The following MIPEP variants were observed in gnomAD, a reference collection of about 807,000 sequenced individuals.
MIPEP encodes the protein mitochondrial intermediate peptidase.
In MIPEP, 79 loss-of-function variants were observed where a neutral mutation model predicts 90.3. The ratio of observed to expected loss-of-function variants is 0.87; its 90% confidence interval spans 0.73 to 1.05. The LOEUF is 1.05. Among genes scored for constraint, MIPEP ranks in the 50% least tolerant of loss-of-function variants. MIPEP has a pLI of 0.00. For synonymous variants in MIPEP, 334 were observed against 315.8 expected (o/e 1.06, Z -0.61); for missense variants, 940 against 905.6 (o/e 1.04, Z -0.49).
intron 7 of MIPEP, among the ~76,000 whole-genome samples, chr13:23,865,498 T>C (rs1399636056): frequency 6.6e-6 from 1 of 152,204 alleles, no homozygotes; most frequent in Non-Finnish European, 1.5e-5. Flanking sequence ...AAAGACATTA[T>C]TTAGTCAACA....
intron 16 of MIPEP, among the ~76,000 whole-genome samples, chr13:23,771,225 G>A (rs1057427686): frequency 2.0e-4 from 30 of 152,164 alleles, no homozygotes; most frequent in African/African-American, 6.8e-4. Flanking sequence ...AAGGAGAGAA[G>A]GGAAGGGAAA....
chr13:23,758,615 T>C (rs1212074871), intron 17 of MIPEP, among the ~76,000 whole-genome samples: 1 of 152,206 alleles, frequency 6.6e-6, no homozygotes, highest in East Asian at 1.9e-4. Flanking sequence ...AAAGATCTTT[T>C]AAAAATAAAA....
chr13:23,794,739 T>TTAA lies in MIPEP; in HGVS notation c.1848+11208_1848+11210dup, dbSNP rs1464582865. On this transcript the variant is annotated intron_variant, in intron 16 of 18. Coordinates refer to ENST00000382172, the MANE Select transcript of MIPEP (RefSeq NM_005932.4). Reference sequence around the variant, plus strand: ...TGGTGATTTGGCTCAAAGGACCATATTAAAAAAACAACCGGGTAGTCATAA... The same window carrying TTAA: ...TGGTGATTTGGCTCAAAGGACCATATTAATAAAAAAACAACCGGGTAGTCATAA... 1.2e-4 allele frequency among the ~76,000 whole-genome samples: 18 copies of TTAA among 152,258 alleles called. No individual in the cohort carries two copies. The Middle Eastern group carries it at 0.014, about 115-fold the overall frequency.
At chr13:23,883,537 C>T (rs1273605418) in intron 2 of MIPEP, among the ~76,000 whole-genome samples, 3 of 152,088 alleles carry the variant, frequency 2.0e-5, no homozygotes, top group Non-Finnish European at 2.9e-5. Context: ...CACAGCACAC[C>T]CCATACATCA....
At chr13:23,858,740 A>G (rs114058502) in intron 10 of MIPEP, 120 bp downstream of exon 10, 7 of 796,366 alleles carry the variant, frequency 8.8e-6, no homozygotes, top group Admixed American at 2.1e-5. Context: ...ACGCCAGCAG[A>G]AAGAATGGTG....
At chr13:23,821,198 A>C (rs147257554) in intron 14 of MIPEP, among the ~76,000 whole-genome samples, 58 of 152,330 alleles carry the variant, frequency 3.8e-4, no homozygotes, top group Admixed American at 3.1e-3. Context: ...TTTACAAACT[A>C]TCTTACTATA....
intron 17 of MIPEP, among the ~76,000 whole-genome samples, chr13:23,758,491 T>C (rs1952508783): frequency 6.6e-6 from 1 of 152,242 alleles, no homozygotes; most frequent in African/African-American, 2.4e-5. Context: ...TTTTATAGTA[T>C]GTACTTTTCT....
chr13:23,854,155 C>A (rs1869941430), intron 10 of MIPEP, among the ~76,000 whole-genome samples: 1 of 147,272 alleles, frequency 6.8e-6, no homozygotes, highest in Non-Finnish European at 1.5e-5. Context: ...GAAACCTCGT[C>A]TCTACTAAAA....
At chr13:23,790,592 G>A (rs1444893845) in intron 16 of MIPEP, among the ~76,000 whole-genome samples, 1 of 151,684 alleles carries the variant, frequency 6.6e-6, no homozygotes, top group Admixed American at 6.6e-5. Context: ...TAGAAGGAGG[G>A]GGAGGCAATG....
intron 18 of MIPEP, chr13:23,747,608 T>C (rs1428670825): frequency 2.1e-6 from 1 of 478,460 alleles, no homozygotes; most frequent in Non-Finnish European, 4.2e-6. Flanking sequence ...GCTATATATT[T>C]TTTTTCTTTT....
intron 17 of MIPEP, 127 bp downstream of exon 17, chr13:23,759,968 GC>G: frequency 1.7e-6 from 2 of 1,177,090 alleles, no homozygotes; most frequent in South Asian, 2.8e-5. Flanking sequence ...TGTGTGGGGA[GC>G]CTGCCACTTT....
At chr13:23,757,572 A>C (rs969519351) in intron 17 of MIPEP, among the ~76,000 whole-genome samples, 1 of 152,224 alleles carries the variant, frequency 6.6e-6, no homozygotes, top group Non-Finnish European at 1.5e-5. Flanking sequence ...CTAAAACAAG[A>C]GTGAAGGAAG....
intron 14 of MIPEP, among the ~76,000 whole-genome samples, chr13:23,834,794 C>A (rs557353260): frequency 5.5e-4 from 84 of 152,252 alleles, no homozygotes; most frequent in South Asian, 4.6e-3. Flanking sequence ...AATCACTGAA[C>A]TACTAATCAT....
intron 16 of MIPEP, among the ~76,000 whole-genome samples, chr13:23,790,713 G>GTCAGCCCTGCTGACATCTTCAT (rs1426645598): frequency 1.3e-5 from 2 of 152,338 alleles, no homozygotes; most frequent in East Asian, 1.9e-4. Flanking sequence ...TCTGGAAGAA[G>GTCAGCCCTGCTGACATCTTCAT]TCAGCCCTGC....
intron 11 of MIPEP, 144 bp downstream of exon 11, chr13:23,841,191 T>A (rs1466192268): frequency 1.5e-6 from 1 of 663,928 alleles, no homozygotes; most frequent in Middle Eastern, 4.2e-4. Flanking sequence ...GAAGTGCAAT[T>A]TGGATTTTTT....
rs146154004 is a variant in MIPEP, at chr13:23,745,005, A to C, written c.2044+11540T>G. 5.9e-3 allele frequency among the ~76,000 whole-genome samples: 896 copies of C among 152,342 alleles called. 7 individuals are homozygous for C. Among genetic ancestry groups the C allele is most frequent in the African/African-American group, 0.021 (858 of 41,576 alleles). On this transcript the variant is annotated intron_variant, in intron 18 of 18. Transcript: ENST00000382172. The stretch of plus-strand genomic sequence containing the variant: ...TTAAACTGCTAGAAAGGGAAATTTA[A>C]GTACAGGTTGGCCTTCCTCCTGACC...
chr13:23,753,284 A>G (rs947881720), intron 18 of MIPEP, among the ~76,000 whole-genome samples: 1 of 152,088 alleles, frequency 6.6e-6, no homozygotes, highest in Non-Finnish European at 1.5e-5. Context: ...TTGAAGTCAA[A>G]TCACATTTTA....
At chr13:23,865,650 T>C (rs1233987573) in intron 7 of MIPEP, among the ~76,000 whole-genome samples, 2 of 150,522 alleles carry the variant, frequency 1.3e-5, no homozygotes, top group African/African-American at 2.5e-5. Context: ...TCATTTTACA[T>C]GTGAAGAATC....
chr13:23,837,500 A>C, intron 13 of MIPEP, 52 bp downstream of exon 13: 2 of 1,360,354 alleles, frequency 1.5e-6, no homozygotes, highest in Admixed American at 3.5e-5. Flanking sequence ...ATTCAAAGAA[A>C]ATGTATGTTT....
Sources: gnomAD v4.1 joint callset for allele counts (sites outside exome capture counted in the v4.1 genomes callset) on GRCh38, gnomAD v4.1.1 for gene constraint, MANE v1.5 for transcripts, NCBI Gene and HGNC (gene_info 2026-07-23, HGNC 2026-07-21) for gene names.